UBE2G1: variants seen among roughly 807,000 people sequenced by gnomAD.
UBE2G1 encodes the protein ubiquitin conjugating enzyme E2 G1, also known as ubiquitin-conjugating enzyme E2 G1.
In UBE2G1, 5 loss-of-function variants were observed where a neutral mutation model predicts 22.7. That is an observed-to-expected ratio of 0.22 (90% CI 0.12 to 0.46). The LOEUF is 0.46. UBE2G1 is among the 20% of genes least tolerant of loss of function. The pLI is 0.99. For missense variants in UBE2G1, 88 were observed against 203.9 expected (o/e 0.43, Z 3.46); for synonymous variants, 74 against 67.5 (o/e 1.10, Z -0.47).
intron 4 of UBE2G1, among the ~76,000 whole-genome samples, chr17:4,287,007 C>A (rs562338965): frequency 6.6e-6 from 1 of 151,926 alleles, no homozygotes; most frequent in East Asian, 1.9e-4. Context: ...GGTGAGATCA[C>A]GCCACTGCAC....
At chr17:4,284,838 C>CTTTTTTTT (rs1176508350) in intron 4 of UBE2G1, among the ~76,000 whole-genome samples, 5 of 22,316 alleles carry the variant, frequency 2.2e-4, no homozygotes, top group African/African-American at 4.7e-4. Flanking sequence ...TCTTTTCTTT[C>CTTTTTTTT]TTTTTTTTTT....
intron 4 of UBE2G1, among the ~76,000 whole-genome samples, chr17:4,284,158 C>CAAAAAAAAAAAAAAAAAAATAAAAAA (rs544931688): frequency 9.2e-6 from 1 of 109,006 alleles, no homozygotes. Context: ...CTCCGTCTCT[C>CAAAAAAAAAAAAAAAAAAATAAAAAA]AAAAAAAAAA....
intron 1 of UBE2G1, among the ~76,000 whole-genome samples, chr17:4,352,409 T>C (rs1969855373): frequency 6.6e-6 from 1 of 152,120 alleles, no homozygotes; most frequent in Non-Finnish European, 1.5e-5. Flanking sequence ...CTTTGTTAAA[T>C]GACAAGTTTG....
At chr17:4,362,894 G>A (rs1057297567) in intron 1 of UBE2G1, among the ~76,000 whole-genome samples, 4 of 152,094 alleles carry the variant, frequency 2.6e-5, no homozygotes, top group Admixed American at 6.6e-5. Flanking sequence ...AGGCCGAGGT[G>A]GGTGGATCAC....
At chr17:4,282,649 A>C (rs550352197) in intron 5 of UBE2G1, 149 bp downstream of exon 5, 6 of 561,884 alleles carry the variant, frequency 1.1e-5, no homozygotes, top group Middle Eastern at 4.9e-4. Context: ...CAGATTATAC[A>C]GTAGTTTTGA....
chr17:4,300,792 A>G (rs59693400), intron 2 of UBE2G1, among the ~76,000 whole-genome samples: 9,695 of 150,738 alleles, frequency 0.064, 1,070 homozygotes, highest in African/African-American at 0.22. Context: ...GTGAAATCCC[A>G]TCTCTACTAA....
At chr17:4,338,169 C>CAA (rs768232182) in intron 1 of UBE2G1, among the ~76,000 whole-genome samples, 7 of 87,180 alleles carry the variant, frequency 8.0e-5, no homozygotes, top group African/African-American at 2.2e-4. Context: ...GACTCCATCT[C>CAA]AAAAAAAAAA....
rs1968757374 is a variant in UBE2G1 at position 4,271,326 on chromosome 17, A to C, written c.*1228T>G. On this transcript the variant is annotated 3_prime_UTR_variant, in exon 6 of 6. Transcript: ENST00000396981. ...TGGCCATGTGATTTTCAAGTATTAAAAGTTCATTTGCATAAGGAATCAACC... is the reference window on the plus strand; with the variant it reads ...TGGCCATGTGATTTTCAAGTATTAACAGTTCATTTGCATAAGGAATCAACC... The C allele has an allele frequency of 6.6e-6, 1 of 152,638 alleles. No homozygotes were observed. Among genetic ancestry groups the C allele is most frequent in the Non-Finnish European group, 1.5e-5 (1 of 68,046 alleles). 9.5% of individuals were successfully genotyped at this position (152,638 alleles called of 1,614,324 possible).
chr17:4,289,192 G>A, intron 4 of UBE2G1, 38 bp downstream of exon 4: 1 of 1,472,096 alleles, frequency 6.8e-7, no homozygotes, highest in Non-Finnish European at 9.0e-7. Flanking sequence ...TTATTACAAG[G>A]GAAAGTGAAG....
intron 1 of UBE2G1, among the ~76,000 whole-genome samples, chr17:4,351,405 C>T (rs1018102332): frequency 1.4e-4 from 21 of 152,216 alleles, no homozygotes; most frequent in African/African-American, 4.8e-4. Flanking sequence ...TGTGCCACTG[C>T]TGCACCTGCA....
chr17:4,310,784 A>G (rs1969300855), intron 1 of UBE2G1, among the ~76,000 whole-genome samples: 1 of 152,244 alleles, frequency 6.6e-6, no homozygotes, highest in African/African-American at 2.4e-5. Flanking sequence ...AAAAGCAAGC[A>G]ATTCAAGTAA....
rs1163942921 is a variant in UBE2G1 at position 4,365,846 on chromosome 17, C to G, written c.46+425G>C. Among the ~76,000 whole-genome samples the G allele has an allele frequency of 5.9e-5, 9 of 152,250 alleles. No individual in the cohort carries two copies. In the East Asian group the frequency reaches 1.7e-3, roughly 29 times the overall value. The stretch of plus-strand genomic sequence containing the variant: ...CTTCCGCCCGCCCTCAGACACCGAG[C>G]CGGGGACTCGCAGCCGCACTGGGTC... On this transcript the variant is annotated intron_variant, in intron 1 of 5. Transcript: ENST00000396981.
Position 4,337,289 on chromosome 17 carries a change from C to T in UBE2G1, c.46+28982G>A, listed in dbSNP as rs560424281. Among the ~76,000 whole-genome samples the T allele has an allele frequency of 1.2e-3, 165 of 140,042 alleles. 1 individual carries two copies. The highest frequency in any genetic ancestry group is 4.2e-3 in the African/African-American group (154 of 36,606). 91.9% of individuals were successfully genotyped at this position (140,042 alleles called of 152,430 possible). Reference sequence around the variant, plus strand: ...CCAGGAGGTCAAGGATGCAATGAGTCGTGTTCATGCCACTACACTCTAATC... The same window carrying T: ...CCAGGAGGTCAAGGATGCAATGAGTTGTGTTCATGCCACTACACTCTAATC... On this transcript the variant is annotated intron_variant, in intron 1 of 5. Coordinates refer to ENST00000396981, the MANE Select transcript of UBE2G1 (RefSeq NM_003342.5).
At position 4,302,003 on chromosome 17, in the gene UBE2G1, G is replaced by A. The variant is rs1334386123; in HGVS notation, c.149+5018C>T. 4 of 491,042 alleles carry A rather than the reference G, an allele frequency of 8.1e-6. No homozygotes were observed. In the East Asian group the frequency reaches 1.6e-4, roughly 20 times the overall value. The allele number at this position is 491,042 out of a possible 1,614,324, so 30.4% of individuals were successfully genotyped here. A position where few individuals can be genotyped will look rare whatever the true frequency, so the allele number is the denominator to read the frequency against. On this transcript the variant is annotated intron_variant, in intron 2 of 5. Coordinates refer to ENST00000396981, the MANE Select transcript of UBE2G1 (RefSeq NM_003342.5). ...CCTTGGCTCTTGCTTACTTAGATGCGAGAGCAGAGAGAATCCTTCATAAAG... is the reference window on the plus strand; with the variant it reads ...CCTTGGCTCTTGCTTACTTAGATGCAAGAGCAGAGAGAATCCTTCATAAAG...
chr17:4,330,569 C>T (rs921402380), intron 1 of UBE2G1, among the ~76,000 whole-genome samples: 14 of 151,412 alleles, frequency 9.2e-5, no homozygotes, highest in African/African-American at 3.4e-4. Flanking sequence ...GAAACCCTGT[C>T]TCTAGTAAAA....
intron 1 of UBE2G1, among the ~76,000 whole-genome samples, chr17:4,363,678 CCCGGTGGCT>C (rs1969994043): frequency 1.1e-4 from 17 of 152,048 alleles, no homozygotes; most frequent in Admixed American, 1.1e-3. Flanking sequence ...AGAGGCCGGG[CCCGGTGGCT>C]CACGTCTGTA....
At chr17:4,333,189 G>A (rs748891308) in intron 1 of UBE2G1, among the ~76,000 whole-genome samples, 1 of 152,166 alleles carries the variant, frequency 6.6e-6, no homozygotes, top group Non-Finnish European at 1.5e-5. Flanking sequence ...CAATTCAGAC[G>A]CCAGACCGTA....
At chr17:4,353,787 G>T (rs1287576641) in intron 1 of UBE2G1, among the ~76,000 whole-genome samples, 2 of 151,308 alleles carry the variant, frequency 1.3e-5, no homozygotes, top group Non-Finnish European at 2.9e-5. Context: ...TGGGAATACA[G>T]GCGTGAGCCA....
chr17:4,334,763 T>C (rs1441899536), intron 1 of UBE2G1, among the ~76,000 whole-genome samples: 1 of 152,110 alleles, frequency 6.6e-6, no homozygotes. Context: ...GGTCTCAAAC[T>C]CCTGACCTCA....
Sources: allele counts gnomAD v4.1 joint callset (sites outside exome capture counted in the v4.1 genomes callset), GRCh38; gene constraint gnomAD v4.1.1; transcripts MANE v1.5; gene names NCBI Gene and HGNC (gene_info 2026-07-23, HGNC 2026-07-21).